Variants in LPIN2 observed in about 807,000 individuals in gnomAD.
The protein encoded by LPIN2 is phosphatidate phosphatase LPIN2.
Under a neutral mutation model 111.4 loss-of-function variants are expected in LPIN2, and 55 were observed. The ratio of observed to expected loss-of-function variants is 0.49; its 90% CI spans 0.40 to 0.62. The LOEUF is 0.62. Ranked by LOEUF, LPIN2 falls within the 20% of genes least tolerant of loss-of-function variation. The probability of loss-of-function intolerance (pLI) is 0.00; values close to 1 mark genes in which losing one functional copy is unlikely to be tolerated. For synonymous variants in LPIN2, 425 were observed against 414.0 expected (o/e 1.03, Z -0.32); for missense variants, 992 against 1,112.1 (o/e 0.89, Z 1.54).
intron 1 of LPIN2, among the ~76,000 whole-genome samples, chr18:2,962,330 A>G (rs1157052274): frequency 6.6e-6 from 1 of 152,228 alleles, no homozygotes; most frequent in African/African-American, 2.4e-5. Flanking sequence ...TTGTGCTGCA[A>G]AACTTACTCC....
At chr18:2,987,697 T>C (rs1368072651) in intron 1 of LPIN2, among the ~76,000 whole-genome samples, 1 of 152,214 alleles carries the variant, frequency 6.6e-6, no homozygotes, top group East Asian at 1.9e-4. Context: ...AAGATATTTG[T>C]AATCAGCTTT....
At chr18:2,974,441 T>G (rs768573988) in intron 1 of LPIN2, among the ~76,000 whole-genome samples, 10 of 152,216 alleles carry the variant, frequency 6.6e-5, no homozygotes, top group Non-Finnish European at 1.2e-4. Flanking sequence ...ATTAGAGAAA[T>G]CCTTCCTTTG....
At chr18:3,003,406 G>A (rs991927526) in intron 1 of LPIN2, among the ~76,000 whole-genome samples, 8 of 152,208 alleles carry the variant, frequency 5.3e-5, no homozygotes, top group African/African-American at 1.7e-4. Context: ...CCAACAATGT[G>A]ATGGGACCTG....
chr18:2,959,934 C>A (rs531113403), intron 2 of LPIN2, among the ~76,000 whole-genome samples: 1 of 151,916 alleles, frequency 6.6e-6, no homozygotes, highest in South Asian at 2.1e-4. Flanking sequence ...AGGCCGAGGC[C>A]GAAGCCGGTG....
chr18:2,920,942 G>A, intron 18 of LPIN2, 61 bp from the exon 19 acceptor site: 1 of 1,138,276 alleles, frequency 8.8e-7, no homozygotes. Flanking sequence ...ATACTTCTCA[G>A]GCTCCTTGTG....
intron 1 of LPIN2, among the ~76,000 whole-genome samples, chr18:2,964,639 T>TACC (rs1373572778): frequency 6.6e-6 from 1 of 152,218 alleles, no homozygotes; most frequent in Non-Finnish European, 1.5e-5. Context: ...TTAAGCCAAA[T>TACC]ACCATCTATG....
At chr18:2,993,322 AATGAGAATAT>A (rs2078295185) in intron 1 of LPIN2, among the ~76,000 whole-genome samples, 1 of 152,260 alleles carries the variant, frequency 6.6e-6, no homozygotes, top group African/African-American at 2.4e-5. Flanking sequence ...CATAGTTTAA[AATGAGAATAT>A]ATTTGTTCTT....
Position 2,920,374 on chromosome 18 carries a change from G to A in LPIN2, c.2610C>T (p.Ser870=), listed in dbSNP as rs145412418. The change falls in exon 20 of 20, where the codon TCC becomes TCT. Residue 870 remains serine, a synonymous_variant. Transcript: ENST00000677752. ...VFPLLSKEQN[S]AFPCPEFSSF... ...AGCTGAACTCCGGGCAGGGAAAAGC[G>A]GAATTCTGCTCCTTACTGAGAAGGG... 4.0e-4 allele frequency: 651 copies of A among 1,614,120 alleles called. 1 individual carries two copies. The highest frequency in any genetic ancestry group is 1.1e-3 in the South Asian group (97 of 91,086).
chr18:2,922,253 A>C, intron 16 of LPIN2, 54 bp from the exon 17 acceptor site: 7 of 1,564,150 alleles, frequency 4.5e-6, no homozygotes, highest in Non-Finnish European at 5.2e-6. Flanking sequence ...GGAAAAGAAA[A>C]CAAAAAACAA....
At chr18:2,980,234 G>A (rs1598595414) in intron 1 of LPIN2, among the ~76,000 whole-genome samples, 2 of 152,182 alleles carry the variant, frequency 1.3e-5, no homozygotes, top group African/African-American at 4.8e-5. Context: ...CTAGGACTCA[G>A]AACTCTGGTT....
chr18:3,006,503 C>A (rs2078517213), intron 1 of LPIN2, among the ~76,000 whole-genome samples: 1 of 152,104 alleles, frequency 6.6e-6, no homozygotes, highest in Non-Finnish European at 1.5e-5. Flanking sequence ...CCAGCCTGGG[C>A]AACATAGTGA....
At chr18:2,977,341 G>A (rs1051888391) in intron 1 of LPIN2, among the ~76,000 whole-genome samples, 2 of 152,154 alleles carry the variant, frequency 1.3e-5, no homozygotes, top group Admixed American at 6.5e-5. Flanking sequence ...CAGGTAACTA[G>A]ATGCACAAGC....
intron 9 of LPIN2, 29 bp from the exon 10 acceptor site, chr18:2,929,187 T>C: frequency 7.4e-7 from 1 of 1,351,512 alleles, no homozygotes. Flanking sequence ...ATCAATTTGG[T>C]TAGAGATTAC....
At position 2,919,853 on chromosome 18, in the gene LPIN2, C is replaced by T; in HGVS notation, c.*440G>A. 1 of 237,352 alleles carries T rather than the reference C, an allele frequency of 4.2e-6. No individual in the cohort carries two copies. Among genetic ancestry groups the T allele is most frequent in the South Asian group, 5.7e-5 (1 of 17,662 alleles). 14.7% of individuals were successfully genotyped at this position (237,352 alleles called of 1,614,324 possible). ...CTTCAGCCAGCATCACTGACTGGGC[C>T]CGCAGCAGTTCAGGGACCCTGACAT... is the stretch of plus-strand genomic sequence containing the variant. On this transcript the variant is annotated 3_prime_UTR_variant, in exon 20 of 20. Transcript: ENST00000677752.
intron 1 of LPIN2, among the ~76,000 whole-genome samples, chr18:3,012,548 G>A (rs1436329844): frequency 3.3e-5 from 5 of 152,220 alleles, no homozygotes; most frequent in Admixed American, 2.6e-4. Context: ...ACAGCTTGAA[G>A]GCGGAGGTAC....
intron 3 of LPIN2, among the ~76,000 whole-genome samples, chr18:2,951,853 G>A (rs1179081332): frequency 6.6e-6 from 1 of 152,218 alleles, no homozygotes; most frequent in Non-Finnish European, 1.5e-5. Flanking sequence ...CAATGCTTAT[G>A]TTTTGCCAAA....
Position 2,931,398 on chromosome 18 carries a change from G to C in LPIN2, c.1314C>G (p.Leu438=), listed in dbSNP as rs1039960838. The change falls in exon 9 of 20, where the codon CTC becomes CTG. Residue 438 remains leucine (L), a synonymous_variant. Coordinates refer to ENST00000677752, the MANE Select transcript of LPIN2 (RefSeq NM_001375808.2). ...CGGACTGTGGGGACTGGGAGCCAGA[G>C]AGTGTGTCAGACTCGGGCCACTGCC... ...GSRQWPESDT[L]SGSQSPQSVG... 1.2e-6 allele frequency: 2 copies of C among 1,608,964 alleles called. No homozygotes were observed. Among genetic ancestry groups the C allele is most frequent in the East Asian group, 2.2e-5 (1 of 44,734 alleles).
At chr18:2,946,430 G>A (rs757291591) in intron 4 of LPIN2, 15 of 1,446,976 alleles carry the variant, frequency 1.0e-5, no homozygotes, top group African/African-American at 1.4e-5. Flanking sequence ...ACCCTTTAAT[G>A]CATCGTGAAA....
chr18:3,002,903 CTA>C (rs1405325543), intron 1 of LPIN2, among the ~76,000 whole-genome samples: 1 of 152,232 alleles, frequency 6.6e-6, no homozygotes, highest in Non-Finnish European at 1.5e-5. Context: ...CTTGATTCCT[CTA>C]TGACACTATC....
Sources: allele counts gnomAD v4.1 joint callset (sites outside exome capture counted in the v4.1 genomes callset), GRCh38; gene constraint gnomAD v4.1.1; transcripts MANE v1.5; gene names NCBI Gene and HGNC (gene_info 2026-07-23, HGNC 2026-07-21).